The following SYT1 variants were observed in gnomAD, a reference collection of about 807,000 sequenced individuals.
The protein encoded by SYT1 is synaptotagmin 1.
A neutral mutation model predicts 44.8 loss-of-function variants in SYT1; 8 were observed. The observed-to-expected ratio is 0.18, with a 90% CI of 0.10 to 0.32. The LOEUF (loss-of-function observed/expected upper bound fraction) is 0.32, where lower values mean the gene tolerates loss of function less well. Among genes scored for constraint, SYT1 ranks in the 10% least tolerant of loss-of-function variants. The probability of loss-of-function intolerance (pLI) is 1.00; values close to 1 mark genes in which losing one functional copy is unlikely to be tolerated. For synonymous variants in SYT1, 154 were observed against 188.8 expected (o/e 0.82, Z 1.51); for missense variants, 286 against 509.3 (o/e 0.56, Z 4.22).
rs1421990264 is a variant in SYT1, at chr12:79,308,591, GAAGAAAGAAAGAAAGAAAGAA to G, written c.810+9043_810+9063del. 1.0e-3 allele frequency among the ~76,000 whole-genome samples: 110 copies of G among 110,512 alleles called. 1 individual carries two copies. In the Middle Eastern group the frequency reaches 0.014, roughly 14 times the overall value. The allele number at this position is 110,512 out of a possible 152,430, so 72.5% of individuals were successfully genotyped here. On this transcript the variant is annotated intron_variant, in intron 8 of 10. Transcript: ENST00000261205. The stretch of plus-strand genomic sequence containing the variant: ...AAAGAAAGAAAAGAAGGAAAAGAAA[GAAGAAAGAAAGAAAGAAAGAA>G]AAAGAAAGAAAGAAAGAAAGAAAGA...
chr12:79,415,000 C>T (rs1033636371), intron 9 of SYT1, among the ~76,000 whole-genome samples: 1 of 151,910 alleles, frequency 6.6e-6, no homozygotes, highest in African/African-American at 2.4e-5. Context: ...TTTTGCAGGG[C>T]CTTGTTAGGT....
At chr12:78,933,722 A>G (rs1345104686) in intron 1 of SYT1, among the ~76,000 whole-genome samples, 2 of 152,194 alleles carry the variant, frequency 1.3e-5, no homozygotes, top group Non-Finnish European at 2.9e-5. Context: ...TTGATAATTC[A>G]TCATAAACTT....
In SYT1 at chr12:78,932,065, G is replaced by A. The variant is rs112261942; in HGVS notation, c.-216-45734G>A. Among the ~76,000 whole-genome samples, 276 of 152,288 alleles carry A rather than the reference G, an allele frequency of 1.8e-3. 1 individual carries two copies. Among genetic ancestry groups the A allele is most frequent in the Middle Eastern group, 0.017 (5 of 292 alleles). On this transcript the variant is annotated intron_variant, in intron 1 of 10. Coordinates refer to ENST00000261205, the MANE Select transcript of SYT1 (RefSeq NM_005639.3). ...CAGCCACTTTCCTCTGCCACAAGGTGTGTTTCCTTTTTATTCTTCGTGACA... is the reference window on the plus strand; with the variant it reads ...CAGCCACTTTCCTCTGCCACAAGGTATGTTTCCTTTTTATTCTTCGTGACA...
At chr12:78,929,842 A>G (rs545118601) in intron 1 of SYT1, among the ~76,000 whole-genome samples, 1 of 152,308 alleles carries the variant, frequency 6.6e-6, no homozygotes, top group South Asian at 2.1e-4. Context: ...ATGATTTTAT[A>G]CTGACTTACA....
intron 4 of SYT1, among the ~76,000 whole-genome samples, chr12:79,237,919 A>G (rs1355759665): frequency 6.6e-6 from 1 of 152,244 alleles, no homozygotes; most frequent in Admixed American, 6.5e-5. Flanking sequence ...AATAAAGTAC[A>G]TATTAAAGTG....
intron 4 of SYT1, among the ~76,000 whole-genome samples, chr12:79,254,033 T>G (rs1348398107): frequency 6.6e-6 from 1 of 152,164 alleles, no homozygotes; most frequent in Non-Finnish European, 1.5e-5. Context: ...AAGCAGGAAG[T>G]GCTGATGGAG....
intron 9 of SYT1, among the ~76,000 whole-genome samples, chr12:79,423,883 T>C (rs1228707160): frequency 6.6e-6 from 1 of 151,708 alleles, no homozygotes; most frequent in African/African-American, 2.4e-5. Context: ...CGGCTCTGGG[T>C]TAGCATTAGA....
chr12:79,039,595 T>A (rs2137714049), intron 2 of SYT1, among the ~76,000 whole-genome samples: 1 of 150,370 alleles, frequency 6.7e-6, no homozygotes, highest in South Asian at 2.1e-4. Flanking sequence ...CATTTTTTAT[T>A]TTTTTATTTT....
intron 3 of SYT1, among the ~76,000 whole-genome samples, chr12:79,096,169 C>A (rs1472318350): frequency 6.6e-6 from 1 of 151,866 alleles, no homozygotes; most frequent in Admixed American, 6.6e-5. Flanking sequence ...AAGTGTCAGA[C>A]CTTTCTTTAA....
At chr12:79,197,119 C>T (rs931075046) in intron 3 of SYT1, among the ~76,000 whole-genome samples, 6 of 152,186 alleles carry the variant, frequency 3.9e-5, no homozygotes, top group African/African-American at 1.2e-4. Flanking sequence ...TTCTGTGACT[C>T]CCCTTCTATG....
At chr12:79,447,603 T>C (rs1401496268) in intron 10 of SYT1, among the ~76,000 whole-genome samples, 1 of 152,190 alleles carries the variant, frequency 6.6e-6, no homozygotes, top group Non-Finnish European at 1.5e-5. Flanking sequence ...ACCCCATTCA[T>C]TACAATATGA....
intron 4 of SYT1, among the ~76,000 whole-genome samples, chr12:79,236,363 T>G (rs969971031): frequency 6.6e-6 from 1 of 152,194 alleles, no homozygotes; most frequent in Non-Finnish European, 1.5e-5. Context: ...ACTCAGTACT[T>G]TGTGAACTGA....
At chr12:79,044,080 T>G (rs928870566) in intron 2 of SYT1, among the ~76,000 whole-genome samples, 3 of 152,038 alleles carry the variant, frequency 2.0e-5, no homozygotes, top group African/African-American at 7.2e-5. Flanking sequence ...CATTTCAACT[T>G]TGGTGAATCT....
At chr12:79,119,669 TAG>T (rs77276955) in intron 3 of SYT1, among the ~76,000 whole-genome samples, 16,790 of 152,206 alleles carry the variant, frequency 0.11, 976 homozygotes, top group African/African-American at 0.12. Context: ...ACTAAATGTC[TAG>T]AGAGTTGACG....
At chr12:78,969,641 A>G (rs905121107) in intron 1 of SYT1, among the ~76,000 whole-genome samples, 1 of 152,140 alleles carries the variant, frequency 6.6e-6, no homozygotes, top group African/African-American at 2.4e-5. Context: ...TTATTCCAGA[A>G]GTTTGATTTG....
chr12:78,865,988 G>T (rs766113227), intron 1 of SYT1, among the ~76,000 whole-genome samples: 2 of 151,958 alleles, frequency 1.3e-5, no homozygotes. Flanking sequence ...GTTGTTGGGG[G>T]ATCAAAAAAT....
At chr12:79,434,731 T>C (rs1869989239) in intron 9 of SYT1, among the ~76,000 whole-genome samples, 1 of 152,206 alleles carries the variant, frequency 6.6e-6, no homozygotes, top group Non-Finnish European at 1.5e-5. Flanking sequence ...AAGATGTCTC[T>C]CTGCAAATAA....
intron 2 of SYT1, among the ~76,000 whole-genome samples, chr12:78,984,387 A>G (rs1205801978): frequency 6.6e-6 from 1 of 152,042 alleles, no homozygotes; most frequent in Non-Finnish European, 1.5e-5. Flanking sequence ...TGGCTGAAGT[A>G]TAATATGCCA....
chr12:79,373,595 G>A (rs190131287), intron 9 of SYT1, among the ~76,000 whole-genome samples: 310 of 151,976 alleles, frequency 2.0e-3, no homozygotes, highest in Non-Finnish European at 3.5e-3. Flanking sequence ...TTTATAGATG[G>A]TCACATCAAA....
Sources: gnomAD v4.1 joint callset for allele counts (sites outside exome capture counted in the v4.1 genomes callset) on GRCh38, gnomAD v4.1.1 for gene constraint, MANE v1.5 for transcripts, NCBI Gene and HGNC (gene_info 2026-07-23, HGNC 2026-07-21) for gene names.